CIROP: variants seen among roughly 807,000 people sequenced by gnomAD.
CIROP encodes the protein ciliated left-right organizer metallopeptidase, also known as leishmanolysin homolog.
chr14:23,102,628 C>T, the CIROP span: 1 of 702,940 alleles, frequency 1.4e-6, no homozygotes, highest in African/African-American at 1.7e-5. Context: ...CTCTCATTTA[C>T]CACTGAATCC....
the CIROP span, chr14:23,103,437 C>G: frequency 6.6e-6 from 3 of 455,822 alleles, no homozygotes; most frequent in Non-Finnish European, 1.2e-5. Flanking sequence ...GCCTGTAATC[C>G]TAGCTACTCA....
chr14:23,102,688 G>C, the CIROP span: 2 of 702,818 alleles, frequency 2.8e-6, no homozygotes, highest in African/African-American at 3.5e-5. Context: ...GAAACCCAAG[G>C]CATGGAGCAA....
chr14:23,101,337 C>A, the CIROP span: 2 of 534,216 alleles, frequency 3.7e-6, no homozygotes, highest in Non-Finnish European at 6.6e-6. Context: ...GCGAGCCCTC[C>A]ACCTGCACCT....
At chr14:23,101,061 G>A in the CIROP span, 1 of 399,412 alleles carries the variant, frequency 2.5e-6, no homozygotes, top group African/African-American at 2.1e-5. Context: ...CAGAAGAGAA[G>A]ACCATAGTAC....
At chr14:23,103,520 C>G in the CIROP span, 2 of 589,026 alleles carry the variant, frequency 3.4e-6, no homozygotes, top group Non-Finnish European at 6.1e-6. Flanking sequence ...GGCCGCTGTA[C>G]TCCAGCCTGG....
chr14:23,104,008 T>A, the CIROP span, among the ~76,000 whole-genome samples: 5 of 152,280 alleles, frequency 3.3e-5, no homozygotes, highest in Admixed American at 2.6e-4. Flanking sequence ...AGCTCAAGAA[T>A]CTACATCGTT....
At chr14:23,104,756 G>A in the CIROP span, 1 of 703,042 alleles carries the variant, frequency 1.4e-6, no homozygotes, top group South Asian at 1.5e-5. Flanking sequence ...GATCACGGGA[G>A]CTAGGGAGGG....
chr14:23,104,702 T>C, the CIROP span: 2 of 702,868 alleles, frequency 2.8e-6, no homozygotes, highest in East Asian at 2.7e-5. Flanking sequence ...CTCCATCTGA[T>C]ATATGATCTC....
the CIROP span, chr14:23,104,433 T>A: frequency 1.4e-6 from 1 of 703,044 alleles, no homozygotes; most frequent in South Asian, 1.5e-5. Context: ...GTGGCAATAC[T>A]GTGCAGGGTC....
chr14:23,103,810 G>A, the CIROP span: 3 of 702,496 alleles, frequency 4.3e-6, no homozygotes, highest in South Asian at 4.4e-5. Context: ...GAAGATGGGT[G>A]TCAGGAATCT....
chr14:23,099,557 CTTTTTTTT>C, the CIROP span: 1 of 308,084 alleles, frequency 3.2e-6, no homozygotes, highest in Non-Finnish European at 5.7e-6. Flanking sequence ...GCGGCATTAC[CTTTTTTTT>C]TTTTTTTTTT....
At chr14:23,099,142 G>T in the CIROP span, 10 of 410,172 alleles carry the variant, frequency 2.4e-5, no homozygotes, top group Non-Finnish European at 8.9e-6. Context: ...TTTTTTCATT[G>T]CCAGGCTATA....
At chr14:23,101,272 ACTACTC>A in the CIROP span, 1 of 462,124 alleles carries the variant, frequency 2.2e-6, no homozygotes, top group Non-Finnish European at 3.8e-6. Context: ...TGCTGCAACT[ACTACTC>A]TTATGGTACC....
At chr14:23,101,026 A>G in the CIROP span, 1 of 399,274 alleles carries the variant, frequency 2.5e-6, no homozygotes, top group Admixed American at 4.4e-5. Flanking sequence ...TATCTTCATT[A>G]GTCTGACACA....
At chr14:23,103,386 CA>C in the CIROP span, 550 of 364,380 alleles carry the variant, frequency 1.5e-3, no homozygotes, top group South Asian at 3.0e-3. Flanking sequence ...CCCGTCTCTA[CA>C]AAAAAAAATA....
At chr14:23,103,045 C>A in the CIROP span, 1 of 551,654 alleles carries the variant, frequency 1.8e-6, no homozygotes, top group Non-Finnish European at 3.2e-6. Context: ...TAGGCTATGA[C>A]AGAGGGCTGT....
chr14:23,099,727 G>T, the CIROP span: 1 of 309,962 alleles, frequency 3.2e-6, no homozygotes, highest in Non-Finnish European at 6.2e-6. Context: ...ACCACGTCTG[G>T]CTAAGGGGCT....
the CIROP span, chr14:23,099,276 G>A: frequency 2.4e-6 from 1 of 413,418 alleles, no homozygotes; most frequent in East Asian, 3.6e-5. Flanking sequence ...CATGTTCTGG[G>A]CAACATCACA....
At chr14:23,104,238 C>A in the CIROP span, 1 of 653,636 alleles carries the variant, frequency 1.5e-6, no homozygotes, top group Admixed American at 2.3e-5. Context: ...TTGACTCAAT[C>A]TCACCTTTGC....
Sources: gnomAD v4.1 joint callset for allele counts (sites outside exome capture counted in the v4.1 genomes callset) on GRCh38, gnomAD v4.1.1 for gene constraint, MANE v1.5 for transcripts, NCBI Gene and HGNC (gene_info 2026-07-23, HGNC 2026-07-21) for gene names.